The following CNTNAP3 variants were observed in gnomAD, a reference collection of about 807,000 sequenced individuals.
CNTNAP3 encodes contactin associated protein family member 3, also known as contactin-associated protein-like 3.
CNTNAP3 carries 36 observed loss-of-function variants against 92.1 expected under a neutral mutation model. The observed-to-expected ratio is 0.39, with a 90% CI of 0.30 to 0.52. CNTNAP3 has a LOEUF of 0.52. CNTNAP3 is among the 20% of genes least tolerant of loss of function. The probability of loss-of-function intolerance (pLI) is 0.76; values close to 1 mark genes in which losing one functional copy is unlikely to be tolerated. For missense variants in CNTNAP3, 534 were observed against 1,069.6 expected (o/e 0.50, Z 6.98); for synonymous variants, 232 against 422.3 (o/e 0.55, Z 5.53).
At chr9:39,115,881 G>A (rs1820845750) in intron 14 of CNTNAP3, among the ~76,000 whole-genome samples, 1 of 151,304 alleles carries the variant, frequency 6.6e-6, no homozygotes, top group Non-Finnish European at 1.5e-5. Context: ...TCTGGTTACT[G>A]CCCTAAGCAT....
At chr9:39,138,014 C>A (rs1169589566) in intron 12 of CNTNAP3, among the ~76,000 whole-genome samples, 1 of 150,870 alleles carries the variant, frequency 6.6e-6, no homozygotes, top group Non-Finnish European at 1.5e-5. Context: ...TACATGTCAC[C>A]ATGCTGTTTT....
chr9:39,113,966 C>A (rs10974147), intron 14 of CNTNAP3, among the ~76,000 whole-genome samples: 12,599 of 149,560 alleles, frequency 0.084, 545 homozygotes, highest in South Asian at 0.12. Flanking sequence ...CTCTCTCTCT[C>A]TATATATACA....
chr9:39,075,854 T>C (rs1224200695), intron 23 of CNTNAP3, among the ~76,000 whole-genome samples: 3 of 152,300 alleles, frequency 2.0e-5, no homozygotes, highest in African/African-American at 7.2e-5. Flanking sequence ...TAAACTTGCT[T>C]GTTTTTCTCT....
chr9:39,108,814 G>A (rs1826669655), intron 15 of CNTNAP3, among the ~76,000 whole-genome samples: 1 of 152,186 alleles, frequency 6.6e-6, no homozygotes, highest in South Asian at 2.1e-4. Context: ...TACCACTATA[G>A]TTGTCTGAAG....
At chr9:39,116,201 A>T (rs1820855357) in intron 14 of CNTNAP3, among the ~76,000 whole-genome samples, 1 of 152,014 alleles carries the variant, frequency 6.6e-6, no homozygotes, top group Non-Finnish European at 1.5e-5. Context: ...TAAGTTATAA[A>T]GCCACTAGCA....
chr9:39,122,172 G>T (rs1320066983), intron 13 of CNTNAP3, among the ~76,000 whole-genome samples: 2 of 152,088 alleles, frequency 1.3e-5, no homozygotes, highest in Non-Finnish European at 2.9e-5. Context: ...GGCTAACATG[G>T]TGAAACCCCG....
At chr9:39,126,832 G>A (rs1821162554) in intron 13 of CNTNAP3, among the ~76,000 whole-genome samples, 1 of 151,560 alleles carries the variant, frequency 6.6e-6, no homozygotes, top group South Asian at 2.1e-4. Flanking sequence ...GTCTCTCTTA[G>A]CAACTGACAG....
intron 8 of CNTNAP3, among the ~76,000 whole-genome samples, chr9:39,168,558 C>T (rs1340827929): frequency 2.0e-5 from 1 of 49,536 alleles, no homozygotes; most frequent in Admixed American, 2.4e-4. Flanking sequence ...TTGACATGTT[C>T]TTTTTATAAC....
At chr9:39,117,400 TA>T (rs1333913493) in intron 14 of CNTNAP3, among the ~76,000 whole-genome samples, 2 of 151,640 alleles carry the variant, frequency 1.3e-5, no homozygotes, top group Admixed American at 6.6e-5. Flanking sequence ...ATATTACAAA[TA>T]AAAAAAAGAA....
chr9:39,111,858 T>C (rs981720950), intron 14 of CNTNAP3, among the ~76,000 whole-genome samples: 2 of 152,102 alleles, frequency 1.3e-5, no homozygotes, highest in African/African-American at 4.8e-5. Flanking sequence ...AGTCTTGTTT[T>C]TTCAGTTGTT....
intron 21 of CNTNAP3, among the ~76,000 whole-genome samples, chr9:39,083,280 A>AT (rs994866485): frequency 6.6e-5 from 10 of 150,546 alleles, no homozygotes; most frequent in East Asian, 2.0e-4. Flanking sequence ...TTACAGGCTA[A>AT]TTTTTTTTTA....
intron 13 of CNTNAP3, among the ~76,000 whole-genome samples, chr9:39,120,482 T>C (rs1480267650): frequency 6.6e-6 from 1 of 152,086 alleles, no homozygotes; most frequent in East Asian, 1.9e-4. Flanking sequence ...CCATCCTGGC[T>C]AACACGGTGA....
intron 11 of CNTNAP3, among the ~76,000 whole-genome samples, chr9:39,144,002 T>C (rs1821639109): frequency 6.6e-6 from 1 of 152,228 alleles, no homozygotes; most frequent in Non-Finnish European, 1.5e-5. Context: ...CCTAGACTTA[T>C]TTCCCCATTG....
intron 13 of CNTNAP3, among the ~76,000 whole-genome samples, chr9:39,121,687 T>C (rs560974903): frequency 1.4e-3 from 207 of 152,164 alleles, no homozygotes; most frequent in African/African-American, 3.9e-3. Context: ...GAGTGGGGGA[T>C]AGGCCTTAGA....
At chr9:39,075,497 A>C (rs1290705363) in intron 23 of CNTNAP3, among the ~76,000 whole-genome samples, 1 of 152,224 alleles carries the variant, frequency 6.6e-6, no homozygotes, top group Non-Finnish European at 1.5e-5. Context: ...TGCCTTTTTG[A>C]CAAATATTTT....
At chr9:39,100,730 C>A (rs957967239) in intron 17 of CNTNAP3, among the ~76,000 whole-genome samples, 1 of 151,898 alleles carries the variant, frequency 6.6e-6, no homozygotes, top group Non-Finnish European at 1.5e-5. Context: ...GGGTACAGTG[C>A]TAAACAGTAA....
chr9:39,101,118 C>T lies in CNTNAP3; in HGVS notation c.2756-968G>A, dbSNP rs540054513. On this transcript the variant is annotated intron_variant, in intron 17 of 23. Coordinates refer to ENST00000297668, the MANE Select transcript of CNTNAP3 (RefSeq NM_033655.5). ...TGAGAAAATCAAGTTCTTGGTTTGA[C>T]CCCTCCGTGTAGTCCTCCTTTCCAG... Among the ~76,000 whole-genome samples the T allele has an allele frequency of 1.1e-4, 17 of 148,634 alleles. No homozygotes were observed. The South Asian group carries it at 2.7e-3, about 23-fold the overall frequency.
intron 13 of CNTNAP3, among the ~76,000 whole-genome samples, chr9:39,127,050 A>G (rs1356616242): frequency 6.6e-6 from 1 of 152,146 alleles, no homozygotes; most frequent in Non-Finnish European, 1.5e-5. Context: ...CTAAAATCAT[A>G]CAAAGTATAT....
chr9:39,114,015 CATATATATACACACATATAT>C (rs1820784711), intron 14 of CNTNAP3, among the ~76,000 whole-genome samples: 3 of 146,596 alleles, frequency 2.0e-5, no homozygotes, highest in African/African-American at 7.8e-5. Context: ...TATATACACA[CATATATATACACACATATAT>C]ACACACACAC....
Sources: allele counts gnomAD v4.1 joint callset (sites outside exome capture counted in the v4.1 genomes callset), GRCh38; gene constraint gnomAD v4.1.1; transcripts MANE v1.5; gene names NCBI Gene and HGNC (gene_info 2026-07-23, HGNC 2026-07-21).